The following ABCC2 variants were observed in gnomAD, a reference collection of about 807,000 sequenced individuals.
ABCC2 encodes the protein ATP-binding cassette sub-family C member 2.
ABCC2 carries 157 observed loss-of-function variants against 173.4 expected under a neutral mutation model. The observed-to-expected ratio is 0.91, with a 90% CI of 0.80 to 1.03. The LOEUF is 1.03. ABCC2 is among the 50% of genes least tolerant of loss of function. The probability of loss-of-function intolerance (pLI) is 0.00; values close to 1 mark genes in which losing one functional copy is unlikely to be tolerated. For synonymous variants in ABCC2, 657 were observed against 693.5 expected, an observed-to-expected ratio of 0.95 and a Z score of 0.83; for missense variants, 1,822 against 1,852.3, an observed-to-expected ratio of 0.98 and a Z score of 0.30.
chr10:99,815,757 A>G (rs536028961), intron 16 of ABCC2, among the ~76,000 whole-genome samples: 28 of 152,294 alleles, frequency 1.8e-4, no homozygotes, highest in African/African-American at 6.5e-4. Context: ...AAAAAAATGT[A>G]AGAACCAGCT....
At chr10:99,845,848 A>C (rs909497996) in intron 29 of ABCC2, 66 bp downstream of exon 29, 2 of 1,515,178 alleles carry the variant, frequency 1.3e-6, no homozygotes, top group Non-Finnish European at 1.8e-6. Flanking sequence ...AAACATATGC[A>C]GCTTCTTCTT....
chr10:99,813,869 A>T (rs1383424227), intron 16 of ABCC2, among the ~76,000 whole-genome samples: 1 of 152,168 alleles, frequency 6.6e-6, no homozygotes, highest in East Asian at 1.9e-4. Flanking sequence ...AACTACCAAC[A>T]GAAACAATAC....
At chr10:99,797,403 T>C in intron 7 of ABCC2, 72 bp downstream of exon 7, 3 of 1,367,592 alleles carry the variant, frequency 2.2e-6, no homozygotes, top group Non-Finnish European at 3.1e-6. Context: ...ATCATGGCGA[T>C]TCTGTCCTTA....
intron 16 of ABCC2, among the ~76,000 whole-genome samples, chr10:99,815,460 T>G (rs1181352849): frequency 1.3e-5 from 2 of 152,080 alleles, no homozygotes; most frequent in Non-Finnish European, 2.9e-5. Context: ...TCTCCCAAAG[T>G]GCTGGGATTA....
At chr10:99,837,458 TTC>T (rs1252265154) in intron 25 of ABCC2, among the ~76,000 whole-genome samples, 13 of 11,512 alleles carry the variant, frequency 1.1e-3, no homozygotes, top group African/African-American at 3.6e-3. Context: ...ATTCTTTTTT[TTC>T]TTTTTTTTTT....
intron 19 of ABCC2, among the ~76,000 whole-genome samples, chr10:99,826,414 T>C (rs10883415): frequency 0.62 from 88,204 of 141,920 alleles, 26,688 homozygotes; most frequent in East Asian, 0.75. Flanking sequence ...GCTTTTTCAT[T>C]GGCAATTGAC....
rs111879268 is a variant in ABCC2 at position 99,847,340 on chromosome 10, G to A, written c.4313+213G>A. Among the ~76,000 whole-genome samples the A allele has an allele frequency of 0.032, 4,932 of 152,350 alleles. 260 individuals carry two copies. Among genetic ancestry groups the A allele is most frequent in the African/African-American group, 0.11 (4,632 of 41,574 alleles). Reference sequence around the variant, plus strand: ...AAACTGGTCGAGCACAGTGGCTCACGCCTGTGATCCCAGCACTCTGGGAGG... The same window carrying A: ...AAACTGGTCGAGCACAGTGGCTCACACCTGTGATCCCAGCACTCTGGGAGG... On this transcript the variant is annotated intron_variant, in intron 30 of 31. Coordinates refer to ENST00000647814, the MANE Select transcript of ABCC2 (RefSeq NM_000392.5).
In ABCC2 at chr10:99,819,250, C is replaced by T; in HGVS notation, c.2601C>T (p.Gly867=). The change falls in exon 19 of 32, where the codon GGC becomes GGT. Residue 867 remains glycine, a synonymous_variant. Transcript: ENST00000647814. The part of the protein sequence containing the change: ...KNLKTFLRHT[G]PEEEATVHDG... ...TGAAGACATTTCTAAGACATACAGG[C>T]CCTGAAGAGGAAGCCACAGGTATGT... 2 of 1,613,734 alleles carry T rather than the reference C, an allele frequency of 1.2e-6. No homozygotes were observed. The highest frequency in any genetic ancestry group is 1.7e-6 in the Non-Finnish European group (2 of 1,180,004).
At chr10:99,819,524 G>T (rs1442604295) in intron 19 of ABCC2, among the ~76,000 whole-genome samples, 4 of 152,172 alleles carry the variant, frequency 2.6e-5, no homozygotes, top group African/African-American at 9.7e-5. Context: ...TCTTTAGAAG[G>T]GTACAACTGA....
At chr10:99,800,653 G>C in intron 9 of ABCC2, 90 bp downstream of exon 9, 1 of 1,441,786 alleles carries the variant, frequency 6.9e-7, no homozygotes, top group Non-Finnish European at 9.7e-7. Flanking sequence ...TGATGGAAAT[G>C]GTAACTTATC....
At chr10:99,848,036 A>T (rs1227750756) in intron 30 of ABCC2, among the ~76,000 whole-genome samples, 1 of 152,248 alleles carries the variant, frequency 6.6e-6, no homozygotes, top group Non-Finnish European at 1.5e-5. Context: ...GTGCACAATC[A>T]GGATGAAAAT....
At chr10:99,818,602 C>T (rs1481450258) in intron 17 of ABCC2, among the ~76,000 whole-genome samples, 188 bp from the exon 18 acceptor site, 1 of 152,100 alleles carries the variant, frequency 6.6e-6, no homozygotes, top group Non-Finnish European at 1.5e-5. Context: ...GGTAAGTTGG[C>T]CATATCTAAT....
intron 2 of ABCC2, among the ~76,000 whole-genome samples, chr10:99,785,881 G>C (rs1317405698): frequency 6.6e-6 from 1 of 151,938 alleles, no homozygotes; most frequent in Non-Finnish European, 1.5e-5. Flanking sequence ...TGTTCTACTA[G>C]CATACCTAAC....
intron 9 of ABCC2, among the ~76,000 whole-genome samples, chr10:99,800,860 T>C (rs1590151044): frequency 6.6e-6 from 1 of 152,192 alleles, no homozygotes; most frequent in Non-Finnish European, 1.5e-5. Context: ...ATCCATCTCT[T>C]CCTGCCTCTC....
chr10:99,789,591 T>C (rs987802364), intron 2 of ABCC2, among the ~76,000 whole-genome samples: 2 of 151,562 alleles, frequency 1.3e-5, no homozygotes, highest in African/African-American at 4.8e-5. Flanking sequence ...GGTTCACACC[T>C]GTAATCCCAT....
intron 9 of ABCC2, 116 bp downstream of exon 9, chr10:99,800,679 G>GAGATA: frequency 8.3e-7 from 1 of 1,210,524 alleles, no homozygotes; most frequent in Non-Finnish European, 1.2e-6. Flanking sequence ...ACTTAATGTT[G>GAGATA]ACTGGCCATA....
rs776942330 is a variant in ABCC2 at position 99,805,365 on chromosome 10, T to G, written c.1465-17T>G. 2 of 1,611,336 alleles carry G rather than the reference T, an allele frequency of 1.2e-6. No homozygotes were observed. Among genetic ancestry groups the G allele is most frequent in the Non-Finnish European group, 1.7e-6 (2 of 1,177,548 alleles). On this transcript the variant is annotated splice_polypyrimidine_tract_variant and intron_variant, in intron 10 of 31. Coordinates refer to ENST00000647814, the MANE Select transcript of ABCC2 (RefSeq NM_000392.5). ...ATGGAAGCGTATATTGTTTTTCTTTTGCTTTTTTCCTGGCAGGTCAAAAAT... is the reference window on the plus strand; with the variant it reads ...ATGGAAGCGTATATTGTTTTTCTTTGGCTTTTTTCCTGGCAGGTCAAAAAT...
chr10:99,808,014 C>T, intron 12 of ABCC2, 69 bp from the exon 13 acceptor site: 1 of 1,575,504 alleles, frequency 6.3e-7, no homozygotes, highest in Non-Finnish European at 8.7e-7. Flanking sequence ...ATATGGTGTT[C>T]CTGAAACTTA....
At chr10:99,801,121 G>A (rs561399836) in intron 9 of ABCC2, among the ~76,000 whole-genome samples, 1 of 152,218 alleles carries the variant, frequency 6.6e-6, no homozygotes, top group South Asian at 2.1e-4. Context: ...TTTTCAGTTT[G>A]TAAATACATT....
Sources: gnomAD v4.1 joint callset for allele counts (sites outside exome capture counted in the v4.1 genomes callset) on GRCh38, gnomAD v4.1.1 for gene constraint, MANE v1.5 for transcripts, NCBI Gene and HGNC (gene_info 2026-07-23, HGNC 2026-07-21) for gene names.